The following PPP2R2B variants were observed in gnomAD, a reference collection of about 807,000 sequenced individuals.
The protein encoded by PPP2R2B is protein phosphatase 2 regulatory subunit Bbeta, also known as serine/threonine-protein phosphatase 2A 55 kDa regulatory subunit B beta isoform.
In PPP2R2B, 5 loss-of-function variants were observed where a neutral mutation model predicts 46.0. The observed-to-expected ratio is 0.11, with a 90% CI of 0.06 to 0.23. The LOEUF is 0.23. Among genes scored for constraint, PPP2R2B ranks in the 10% least tolerant of loss-of-function variants. The pLI is 1.00. For synonymous variants in PPP2R2B, 215 were observed against 206.7 expected (o/e 1.04, Z -0.34); for missense variants, 367 against 575.0 (o/e 0.64, Z 3.70).
At chr5:146,837,066 A>C (rs1049619578) in intron 2 of PPP2R2B, among the ~76,000 whole-genome samples, 2 of 152,220 alleles carry the variant, frequency 1.3e-5, no homozygotes, top group African/African-American at 4.8e-5. Context: ...AATAATCCAC[A>C]AGTACAGACA....
chr5:146,606,307 A>G (rs48625), intron 7 of PPP2R2B, among the ~76,000 whole-genome samples: 16,890 of 152,080 alleles, frequency 0.11, 1,765 homozygotes, highest in African/African-American at 0.26. Flanking sequence ...TAGAGGGGTT[A>G]GGAGGGGCCC....
intron 1 of PPP2R2B, among the ~76,000 whole-genome samples, chr5:147,010,552 T>A (rs1194617964): frequency 6.6e-6 from 1 of 152,168 alleles, no homozygotes; most frequent in African/African-American, 2.4e-5. Flanking sequence ...ATCCCTCTCA[T>A]GCAGTTTTCA....
rs370176510 is a variant in PPP2R2B, at chr5:147,077,275, TACACAC to T, written c.50+3778_50+3783del. 6.4e-3 allele frequency among the ~76,000 whole-genome samples: 895 copies of T among 140,362 alleles called. 5 individuals are homozygous for T. The highest frequency in any genetic ancestry group is 0.023 in the South Asian group (103 of 4,466). The allele number at this position is 140,362 out of a possible 152,430, so 92.1% of individuals were successfully genotyped here. Reference sequence around the variant, plus strand: ...CGTTATACATATATGTATGTGTGTATACACACACACACACACACACACACACACACA... The same window carrying T: ...CGTTATACATATATGTATGTGTGTATACACACACACACACACACACACACA... On this transcript the variant is annotated intron_variant, in intron 2 of 10. Coordinates refer to the PPP2R2B transcript ENST00000394413.
chr5:146,901,758 TTC>T (rs1762843828), intron 1 of PPP2R2B, among the ~76,000 whole-genome samples: 1 of 152,050 alleles, frequency 6.6e-6, no homozygotes, highest in Non-Finnish European at 1.5e-5. Context: ...GGAAAATACT[TTC>T]CATTGAGGTA....
intron 2 of PPP2R2B, among the ~76,000 whole-genome samples, chr5:146,715,983 T>C (rs1480277123): frequency 6.6e-6 from 1 of 152,196 alleles, no homozygotes; most frequent in Non-Finnish European, 1.5e-5. Context: ...CAATCTTTGC[T>C]GACCAACTGT....
At chr5:146,635,837 A>T (rs1194420511) in intron 7 of PPP2R2B, among the ~76,000 whole-genome samples, 2 of 152,228 alleles carry the variant, frequency 1.3e-5, no homozygotes, top group East Asian at 3.8e-4. Context: ...TCAGGGGTTC[A>T]TATAATGTGA....
At chr5:146,913,083 T>C (rs1040502543) in intron 1 of PPP2R2B, among the ~76,000 whole-genome samples, 1 of 152,212 alleles carries the variant, frequency 6.6e-6, no homozygotes, top group East Asian at 1.9e-4. Context: ...AGCTGTCCTC[T>C]GGAGGCCCTG....
chr5:146,906,480 G>A (rs906636841), intron 1 of PPP2R2B, among the ~76,000 whole-genome samples: 10 of 151,996 alleles, frequency 6.6e-5, no homozygotes, highest in African/African-American at 1.2e-4. Context: ...GCGCCACCAC[G>A]CCCAGCTAAT....
intron 1 of PPP2R2B, among the ~76,000 whole-genome samples, chr5:146,986,116 A>G (rs138975792): frequency 1.3e-4 from 20 of 152,296 alleles, no homozygotes; most frequent in African/African-American, 4.3e-4. Flanking sequence ...GAAGAGGCAC[A>G]TTGGAGAGGG....
At chr5:146,664,519 T>G (rs970694062) in intron 5 of PPP2R2B, among the ~76,000 whole-genome samples, 1 of 150,482 alleles carries the variant, frequency 6.6e-6, no homozygotes, top group South Asian at 2.1e-4. Flanking sequence ...TAGTTCTAGT[T>G]TTTTTTTTTT....
chr5:146,828,668 T>C (rs1015771429), intron 2 of PPP2R2B, among the ~76,000 whole-genome samples: 1 of 152,052 alleles, frequency 6.6e-6, no homozygotes, highest in South Asian at 2.1e-4. Context: ...ATGATCTTTT[T>C]CCCCCCAACA....
At chr5:146,872,250 G>A (rs1013055077) in intron 2 of PPP2R2B, among the ~76,000 whole-genome samples, 1 of 152,188 alleles carries the variant, frequency 6.6e-6, no homozygotes. Context: ...ATGCATTCTG[G>A]TTATTATGTT....
At chr5:146,950,280 A>G (rs1764611406) in intron 1 of PPP2R2B, among the ~76,000 whole-genome samples, 1 of 151,990 alleles carries the variant, frequency 6.6e-6, no homozygotes, top group South Asian at 2.1e-4. Flanking sequence ...AAATAAGGCA[A>G]TCAGGGAACT....
At position 146,864,803 on chromosome 5, in the gene PPP2R2B, T is replaced by G. The variant is rs545232932; in HGVS notation, c.70+13199A>C. 2.0e-4 allele frequency among the ~76,000 whole-genome samples: 31 copies of G among 152,270 alleles called. 1 individual carries two copies. In the South Asian group the frequency reaches 6.4e-3, roughly 32 times the overall value. On this transcript the variant is annotated intron_variant, in intron 2 of 9. Coordinates refer to ENST00000394411, the MANE Select transcript of PPP2R2B (RefSeq NM_181675.4). ...GCTGTATCTTTAAGAATTTTTTCTC[T>G]GATCTTCACCCCACATAAGTTTCCT...
At chr5:146,669,831 A>G (rs560673862) in intron 5 of PPP2R2B, among the ~76,000 whole-genome samples, 2 of 152,202 alleles carry the variant, frequency 1.3e-5, no homozygotes, top group Non-Finnish European at 2.9e-5. Context: ...CTAGGATTCA[A>G]ATACCATCTG....
intron 2 of PPP2R2B, among the ~76,000 whole-genome samples, chr5:147,063,749 G>A (rs73310622): frequency 0.047 from 7,122 of 152,236 alleles, 292 homozygotes; most frequent in African/African-American, 0.11. Context: ...GCCTTCCCCA[G>A]GATTAGGCAG....
intron 2 of PPP2R2B, among the ~76,000 whole-genome samples, chr5:146,745,247 T>G: frequency 6.7e-6 from 1 of 148,564 alleles, no homozygotes; most frequent in Non-Finnish European, 1.5e-5. Flanking sequence ...GAACACTGGG[T>G]CAGCCAGTGG....
At chr5:146,996,955 T>G (rs573858057) in intron 1 of PPP2R2B, among the ~76,000 whole-genome samples, 1 of 152,252 alleles carries the variant, frequency 6.6e-6, no homozygotes, top group African/African-American at 2.4e-5. Context: ...CCACTGTCTT[T>G]AGGCAGACTG....
At chr5:146,753,367 T>C (rs1280825011) in intron 2 of PPP2R2B, among the ~76,000 whole-genome samples, 1 of 152,162 alleles carries the variant, frequency 6.6e-6, no homozygotes, top group African/African-American at 2.4e-5. Flanking sequence ...GAATAGACAG[T>C]ATAGAACCTT....
Sources: allele counts gnomAD v4.1 joint callset (sites outside exome capture counted in the v4.1 genomes callset), GRCh38; gene constraint gnomAD v4.1.1; transcripts MANE v1.5; gene names NCBI Gene and HGNC (gene_info 2026-07-23, HGNC 2026-07-21).